ARSG: variants seen among roughly 807,000 people sequenced by gnomAD.
ARSG encodes ASG.
Under a neutral mutation model 50.5 loss-of-function variants are expected in ARSG, and 37 were observed. The ratio of observed to expected loss-of-function variants is 0.73; its 90% CI spans 0.56 to 0.96. ARSG has a LOEUF of 0.96. Among genes scored for constraint, ARSG ranks in the 50% least tolerant of loss-of-function variants. The pLI is 0.00. For synonymous variants in ARSG, 225 were observed against 254.6 expected, an observed-to-expected ratio of 0.88 and a Z score of 1.11; for missense variants, 629 against 675.3, an observed-to-expected ratio of 0.93 and a Z score of 0.76.
intron 9 of ARSG, among the ~76,000 whole-genome samples, chr17:68,390,431 C>A (rs1328553352): frequency 6.6e-6 from 1 of 152,184 alleles, no homozygotes; most frequent in Admixed American, 6.5e-5. Context: ...AAAGATGTCA[C>A]CCTGCCCACT....
chr17:68,302,368 G>T (rs2076453042), intron 1 of ARSG, among the ~76,000 whole-genome samples: 1 of 152,076 alleles, frequency 6.6e-6, no homozygotes, highest in African/African-American at 2.4e-5. Context: ...AGAACCCTCT[G>T]CCAGAAAGGT....
chr17:68,302,751 C>T (rs1174685770), intron 1 of ARSG, among the ~76,000 whole-genome samples: 1 of 152,186 alleles, frequency 6.6e-6, no homozygotes, highest in African/African-American at 2.4e-5. Context: ...AAAGTTCACT[C>T]TGCTCCTGCT....
intron 1 of ARSG, among the ~76,000 whole-genome samples, chr17:68,277,852 T>C (rs1265614455): frequency 6.6e-6 from 1 of 152,220 alleles, no homozygotes; most frequent in East Asian, 1.9e-4. Flanking sequence ...AGATGTTTAA[T>C]ACATGTGTGT....
intron 1 of ARSG, chr17:68,269,363 C>T (rs782565384): frequency 2.8e-6 from 3 of 1,053,282 alleles, no homozygotes; most frequent in South Asian, 1.6e-5. Flanking sequence ...GAGAGCATGG[C>T]GTCCGTTAAC....
At chr17:68,383,704 G>C (rs1171511517) in intron 8 of ARSG, among the ~76,000 whole-genome samples, 1 of 152,122 alleles carries the variant, frequency 6.6e-6, no homozygotes. Context: ...CTGGAGTTCT[G>C]GATTCTTTGT....
intron 2 of ARSG, among the ~76,000 whole-genome samples, chr17:68,315,421 G>A (rs189211286): frequency 2.0e-5 from 3 of 152,018 alleles, no homozygotes; most frequent in South Asian, 2.1e-4. Flanking sequence ...TACCTACTCC[G>A]GAGGCGGAGT....
chr17:68,344,027 T>C (rs906944468), intron 3 of ARSG, among the ~76,000 whole-genome samples: 2 of 152,218 alleles, frequency 1.3e-5, no homozygotes, highest in Non-Finnish European at 1.5e-5. Flanking sequence ...TTAATTCAGC[T>C]GCTCAAAGAT....
intron 8 of ARSG, among the ~76,000 whole-genome samples, chr17:68,375,980 A>G (rs2080123538): frequency 6.6e-6 from 1 of 152,198 alleles, no homozygotes; most frequent in African/African-American, 2.4e-5. Context: ...TACATCACAT[A>G]AAATTAACAT....
chr17:68,306,579 A>G (rs1555764148), intron 1 of ARSG, among the ~76,000 whole-genome samples: 1 of 152,178 alleles, frequency 6.6e-6, no homozygotes, highest in Admixed American at 6.5e-5. Flanking sequence ...GTTACAAATA[A>G]CCATGTCTTG....
intron 11 of ARSG, among the ~76,000 whole-genome samples, chr17:68,401,735 C>T (rs964239866): frequency 5.3e-5 from 8 of 152,128 alleles, no homozygotes; most frequent in Non-Finnish European, 1.2e-4. Flanking sequence ...TTCCTATTGT[C>T]GTGCTTTAAA....
intron 6 of ARSG, among the ~76,000 whole-genome samples, chr17:68,365,706 A>G (rs541642152): frequency 1.4e-3 from 215 of 152,254 alleles, no homozygotes; most frequent in African/African-American, 4.9e-3. Flanking sequence ...GCATTTGCCA[A>G]TTCCTGAGGT....
chr17:68,265,886 T>C (rs2075150350), intron 1 of ARSG, among the ~76,000 whole-genome samples: 1 of 152,208 alleles, frequency 6.6e-6, no homozygotes, highest in Non-Finnish European at 1.5e-5. Flanking sequence ...CATTTATATA[T>C]TGTCTGTGGC....
intron 4 of ARSG, among the ~76,000 whole-genome samples, chr17:68,350,154 A>T (rs1156489180): frequency 1.3e-5 from 2 of 152,148 alleles, no homozygotes; most frequent in Non-Finnish European, 2.9e-5. Context: ...CCTGTGAGAG[A>T]CACAGAGCAG....
the ARSG span, among the ~76,000 whole-genome samples, chr17:68,449,888 G>C: frequency 2.6e-5 from 4 of 152,214 alleles, no homozygotes; most frequent in Admixed American, 6.5e-5. Context: ...GTGCCCACCT[G>C]TAGTCCCAGC....
At chr17:68,289,257 T>C (rs1342056600), upstream of ARSG, among the ~76,000 whole-genome samples, 2 of 152,102 alleles carry the variant, frequency 1.3e-5, no homozygotes, top group African/African-American at 4.8e-5. Flanking sequence ...GAGATGACGC[T>C]ACTGCACTCC....
At chr17:68,412,993 TG>T (rs1188334956) in intron 11 of ARSG, among the ~76,000 whole-genome samples, 5 of 151,584 alleles carry the variant, frequency 3.3e-5, no homozygotes, top group Non-Finnish European at 5.9e-5. Flanking sequence ...AGCACTTCTC[TG>T]TATTGGTTAT....
intron 9 of ARSG, among the ~76,000 whole-genome samples, chr17:68,392,026 C>T (rs7220423): frequency 0.14 from 21,175 of 152,130 alleles, 2,649 homozygotes; most frequent in East Asian, 0.36. Flanking sequence ...GGGCGGATAT[C>T]CCCCCAGCCC....
intron 5 of ARSG, among the ~76,000 whole-genome samples, chr17:68,356,264 G>A (rs1297279097): frequency 6.6e-6 from 1 of 152,184 alleles, no homozygotes; most frequent in African/African-American, 2.4e-5. Flanking sequence ...TGAGTTGCAC[G>A]CCATACACAG....
intron 1 of ARSG, chr17:68,277,960 G>C (rs2075578061): frequency 3.1e-6 from 2 of 641,306 alleles, no homozygotes; most frequent in East Asian, 5.5e-5. Flanking sequence ...CTGTTAGTCA[G>C]GGCTAGGAAG....
Sources: gnomAD v4.1 joint callset for allele counts (sites outside exome capture counted in the v4.1 genomes callset) on GRCh38, gnomAD v4.1.1 for gene constraint, MANE v1.5 for transcripts, NCBI Gene and HGNC (gene_info 2026-07-23, HGNC 2026-07-21) for gene names.